FKTN: variants seen among roughly 807,000 people sequenced by gnomAD.
FKTN encodes fukutin.
FKTN carries 47 observed loss-of-function variants against 58.6 expected under a neutral mutation model. The ratio of observed to expected loss-of-function variants is 0.80; its 90% CI spans 0.63 to 1.02. The LOEUF (loss-of-function observed/expected upper bound fraction) is 1.02. Among genes scored for constraint, FKTN ranks in the 50% least tolerant of loss-of-function variants. The probability of loss-of-function intolerance (pLI) is 0.00; values close to 1 mark genes in which losing one functional copy is unlikely to be tolerated. For missense variants in FKTN, 516 were observed against 537.3 expected (o/e 0.96, Z 0.39); for synonymous variants, 178 against 191.9 (o/e 0.93, Z 0.60).
chr9:105,619,519 C>T (rs1418975540), intron 9 of FKTN, among the ~76,000 whole-genome samples: 1 of 152,118 alleles, frequency 6.6e-6, no homozygotes, highest in African/African-American at 2.4e-5. Flanking sequence ...AGGAATGCCA[C>T]TTTACTTAAG....
In FKTN at chr9:105,619,985, G is replaced by C; in HGVS notation, c.1096G>C (p.Asp366His). The C allele has an allele frequency of 2.5e-6, 4 of 1,612,530 alleles. No individual in the cohort carries two copies. The highest frequency in any genetic ancestry group is 3.4e-6 in the Non-Finnish European group (4 of 1,178,874). ...SFQGKDDVKLDVFFFYEETDH... is the reference protein window; with the variant it reads ...SFQGKDDVKLHVFFFYEETDH... ...CCAGGGAAAAGATGATGTAAAACTT[G>C]ATGTTTTTTTCTTCTATGAAGAAAC... is the stretch of plus-strand genomic sequence containing the variant. Residue 366 changes from aspartate (D) to histidine (H), a missense_variant, in exon 10 of 11, where the codon GAT becomes CAT. Coordinates refer to ENST00000357998, the MANE Select transcript of FKTN (RefSeq NM_001079802.2).
rs1195999790 is a variant in FKTN at position 105,636,221 on chromosome 9, A to G, written c.*957A>G. The G allele has an allele frequency of 6.9e-6, 6 of 873,110 alleles. No individual in the cohort carries two copies. The highest frequency in any genetic ancestry group is 1.2e-3 in the Middle Eastern group (2 of 1,700). The allele number at this position is 873,110 out of a possible 1,614,324, so 54.1% of individuals were successfully genotyped here. A position where few individuals can be genotyped will look rare whatever the true frequency, so the allele number is the denominator to read the frequency against. Reference sequence around the variant, plus strand: ...CTAAAATATTAATAGAATTTTTTAAATATACTCTAATTTTTAAAACATACT... The same window carrying G: ...CTAAAATATTAATAGAATTTTTTAAGTATACTCTAATTTTTAAAACATACT... On this transcript the variant is annotated 3_prime_UTR_variant, in exon 11 of 11. Transcript: ENST00000357998.
In FKTN at chr9:105,601,490, A is replaced by G. The variant is rs796854571; in HGVS notation, c.369+142A>G. The G allele has an allele frequency of 2.0e-5, 13 of 642,932 alleles. No homozygotes were observed. In the African/African-American group the frequency reaches 2.4e-4, roughly 12 times the overall value. 39.8% of individuals were successfully genotyped at this position (642,932 alleles called of 1,614,324 possible). A position where few individuals can be genotyped will look rare whatever the true frequency, so the allele number is the denominator to read the frequency against. ...ATCAGGAATATTTTCAGCTATAAAT[A>G]ACAATACAACTAATCACTAAGGCAA... On this transcript the variant is annotated intron_variant, in intron 5 of 10. Coordinates refer to ENST00000357998, the MANE Select transcript of FKTN (RefSeq NM_001079802.2).
chr9:105,563,391 C>T (rs1039373180), intron 1 of FKTN, among the ~76,000 whole-genome samples: 24 of 152,306 alleles, frequency 1.6e-4, no homozygotes, highest in Non-Finnish European at 2.8e-4. Context: ...TCAGGGAATT[C>T]CCTTTCCTAG....
chr9:105,628,857 G>A (rs1833055725), intron 10 of FKTN, among the ~76,000 whole-genome samples: 2 of 152,186 alleles, frequency 1.3e-5, no homozygotes, highest in Non-Finnish European at 2.9e-5. Context: ...AAATTGCACA[G>A]GAAAAACCAA....
At chr9:105,631,687 TCA>T (rs2133397591) in intron 10 of FKTN, among the ~76,000 whole-genome samples, 1 of 150,980 alleles carries the variant, frequency 6.6e-6, no homozygotes, top group African/African-American at 2.4e-5. Context: ...TCACTGGCCA[TCA>T]GAGAAATGCA....
chr9:105,624,720 G>A lies in FKTN; in HGVS notation c.1172+4659G>A, dbSNP rs117734989. On this transcript the variant is annotated intron_variant, in intron 10 of 10. Transcript: ENST00000357998. ...GTATACATCTAACCCCCTCCCTGTC[G>A]TCCCAGTCTCCCTTTCAAAATCCAG... Among the ~76,000 whole-genome samples, 115 of 151,128 alleles carry A rather than the reference G, an allele frequency of 7.6e-4. 2 individuals are homozygous for A. Among genetic ancestry groups the A allele is most frequent in the African/African-American group, 2.6e-3 (105 of 41,144 alleles).
At chr9:105,614,575 A>G (rs923689246) in intron 7 of FKTN, among the ~76,000 whole-genome samples, 1 of 152,208 alleles carries the variant, frequency 6.6e-6, no homozygotes, top group Non-Finnish European at 1.5e-5. Flanking sequence ...CTAAAGACCA[A>G]TAGAATCACT....
At chr9:105,583,203 C>A (rs1030526517) in intron 3 of FKTN, among the ~76,000 whole-genome samples, 8 of 152,170 alleles carry the variant, frequency 5.3e-5, no homozygotes, top group African/African-American at 1.7e-4. Flanking sequence ...TTTTGATGTG[C>A]TTGATTGAGC....
chr9:105,636,245 C>T lies in FKTN; in HGVS notation c.*981C>T, dbSNP rs988049927. The T allele has an allele frequency of 1.1e-6, 1 of 904,978 alleles. No homozygotes were observed. The highest frequency in any genetic ancestry group is 5.1e-5 in the South Asian group (1 of 19,546). 56.1% of individuals were successfully genotyped at this position (904,978 alleles called of 1,614,324 possible). ...AATATACTCTAATTTTTAAAACATA[C>T]TCTTTATTATCTTCATTTATCAATT... On this transcript the variant is annotated 3_prime_UTR_variant, in exon 11 of 11. Transcript: ENST00000357998.
intron 3 of FKTN, among the ~76,000 whole-genome samples, chr9:105,583,072 A>T (rs551597543): frequency 2.8e-4 from 43 of 152,308 alleles, no homozygotes; most frequent in Non-Finnish European, 4.7e-4. Flanking sequence ...CTGGGGAAGT[A>T]AGGTTTTACT....
At chr9:105,575,805 T>C (rs1326180678) in intron 3 of FKTN, among the ~76,000 whole-genome samples, 1 of 152,222 alleles carries the variant, frequency 6.6e-6, no homozygotes, top group Non-Finnish European at 1.5e-5. Context: ...TAATTAGAAC[T>C]ATTCATCAGA....
intron 10 of FKTN, among the ~76,000 whole-genome samples, chr9:105,628,328 G>A (rs1208540500): frequency 6.6e-6 from 1 of 152,120 alleles, no homozygotes; most frequent in African/African-American, 2.4e-5. Flanking sequence ...AGTAGCAGGT[G>A]CAAAATTGAG....
At position 105,615,420 on chromosome 9, in the gene FKTN, C is replaced by G; in HGVS notation, c.910+13C>G. 1 of 1,613,460 alleles carries G rather than the reference C, an allele frequency of 6.2e-7. No homozygotes were observed. The highest frequency in any genetic ancestry group is 1.1e-5 in the South Asian group (1 of 91,070). The stretch of plus-strand genomic sequence containing the variant: ...GGAACTTGTCTAGGTAAAATTCTTA[C>G]GACTTTCCATTTGTCTTTCTGTCAT... On this transcript the variant is annotated intron_variant, in intron 8 of 10. Transcript: ENST00000357998.
rs2133160637 is a variant in FKTN, at chr9:105,617,962, G to A, written c.914G>A (p.Trp305Ter). The part of the protein sequence containing the change: ...FWLSSGTCLG[W>*]YRQCNIIPYS... ...AAAAATTTAATCTTCTTTTTAGGAT[G>A]GTATCGACAATGCAACATTATTCCT... The change falls in exon 9 of 11, where the codon TGG becomes TAG. Residue 305 changes from tryptophan (W) to a stop codon, truncating the protein, a stop_gained. Coordinates refer to ENST00000357998, the MANE Select transcript of FKTN (RefSeq NM_001079802.2). LOFTEE classifies it high-confidence loss of function. 6.3e-7 allele frequency: 1 copy of A among 1,577,920 alleles called. No individual in the cohort carries two copies. The highest frequency in any genetic ancestry group is 8.7e-7 in the Non-Finnish European group (1 of 1,148,920).
intron 6 of FKTN, 136 bp from the exon 7 acceptor site, chr9:105,607,683 T>C (rs1394748684): frequency 5.6e-6 from 4 of 711,062 alleles, no homozygotes; most frequent in African/African-American, 3.5e-5. Flanking sequence ...TAGGTATACA[T>C]GTGCCATGGT....
Position 105,635,554 on chromosome 9 carries a change from TC to T in FKTN, c.*295del, listed in dbSNP as rs1833972823. The T allele has an allele frequency of 3.4e-6, 4 of 1,192,950 alleles. No homozygotes were observed. In the South Asian group the frequency reaches 4.9e-5, roughly 15 times the overall value. 73.9% of individuals were successfully genotyped at this position (1,192,950 alleles called of 1,614,324 possible). A position where few individuals can be genotyped will look rare whatever the true frequency, so the allele number is the denominator to read the frequency against. ...ACTCAATTTTCCTTTGAGGGAACCC[TC>T]CCCCACCCTTTGAAGAGTTCAAGTT... On this transcript the variant is annotated 3_prime_UTR_variant, in exon 11 of 11. Transcript: ENST00000357998.
chr9:105,575,616 T>C (rs1249673834), intron 3 of FKTN, among the ~76,000 whole-genome samples: 1 of 152,202 alleles, frequency 6.6e-6, no homozygotes, highest in African/African-American at 2.4e-5. Context: ...AATTCCAAAG[T>C]TGAGATGGTG....
intron 1 of FKTN, among the ~76,000 whole-genome samples, chr9:105,567,215 G>A (rs1289959363): frequency 1.3e-5 from 2 of 152,178 alleles, no homozygotes; most frequent in African/African-American, 2.4e-5. Flanking sequence ...AAAACTGGAA[G>A]CATTCCCTTT....
Sources: allele counts gnomAD v4.1 joint callset (sites outside exome capture counted in the v4.1 genomes callset), GRCh38; gene constraint gnomAD v4.1.1; transcripts MANE v1.5; gene names NCBI Gene and HGNC (gene_info 2026-07-23, HGNC 2026-07-21).